KIT: variants seen among roughly 807,000 people sequenced by gnomAD.
KIT encodes the protein KIT proto-oncogene, receptor tyrosine kinase, also known as mast/stem cell growth factor receptor Kit.
A neutral mutation model predicts 105.7 loss-of-function variants in KIT; 16 were observed. That is an observed-to-expected ratio of 0.15 (90% confidence interval 0.10 to 0.23). KIT has a LOEUF of 0.23. Among genes scored for constraint, KIT ranks in the 10% least tolerant of loss-of-function variants. The pLI, the probability that KIT is intolerant of heterozygous loss-of-function variation, is 1.00. For missense variants in KIT, 858 were observed against 1,213.8 expected (o/e 0.71, Z 4.36); for synonymous variants, 438 against 441.1 (o/e 0.99, Z 0.09).
rs17084656 is a variant in KIT at position 54,703,502 on chromosome 4, T to C, written c.757-222T>C. Among the ~76,000 whole-genome samples, 957 of 152,272 alleles carry C rather than the reference T, an allele frequency of 6.3e-3. 12 individuals carry two copies. Among genetic ancestry groups the C allele is most frequent in the African/African-American group, 0.022 (914 of 41,570 alleles). Reference sequence around the variant, plus strand: ...GTTAAGAAATGAATTTTCGTTTTTTTCCCAATCGTTAATAATGACTGTCTT... The same window carrying C: ...GTTAAGAAATGAATTTTCGTTTTTTCCCCAATCGTTAATAATGACTGTCTT... On this transcript the variant is annotated intron_variant, in intron 4 of 20. Coordinates refer to ENST00000288135, the MANE Select transcript of KIT (RefSeq NM_000222.3).
At position 54,722,534 on chromosome 4, in the gene KIT, A is replaced by G. The variant is rs958570493; in HGVS notation, c.1232-1050A>G. 5.3e-5 allele frequency among the ~76,000 whole-genome samples: 8 copies of G among 152,150 alleles called. No homozygotes were observed. In the South Asian group the frequency reaches 1.7e-3, roughly 32 times the overall value. ...GGGGCTCCCGTAATTCTGTGCTTAG[A>G]CTTGGCACAATCAATGCTATTCTTC... On this transcript the variant is annotated intron_variant, in intron 7 of 20. Transcript: ENST00000288135.
intron 7 of KIT, among the ~76,000 whole-genome samples, chr4:54,718,852 A>C (rs1235801378): frequency 6.6e-6 from 1 of 152,238 alleles, no homozygotes; most frequent in Non-Finnish European, 1.5e-5. Context: ...GACACAGTAT[A>C]TGTCCAAAAT....
At chr4:54,733,791 G>T (rs1210363458) in intron 17 of KIT, among the ~76,000 whole-genome samples, 1 of 152,120 alleles carries the variant, frequency 6.6e-6, no homozygotes, top group Non-Finnish European at 1.5e-5. Flanking sequence ...CTAAGGCATG[G>T]CATATTTTAG....
intron 7 of KIT, among the ~76,000 whole-genome samples, chr4:54,721,922 T>C (rs1221128233): frequency 2.0e-5 from 3 of 152,216 alleles, no homozygotes; most frequent in African/African-American, 7.2e-5. Flanking sequence ...TACAGTTCAC[T>C]TCATTTGTAG....
In KIT at chr4:54,738,482, C is replaced by T. The variant is rs1309722112; in HGVS notation, c.2856C>T (p.Asp952=). The change falls in exon 21 of 21, where the codon GAC becomes GAT. Residue 952 remains aspartate, a synonymous_variant. Transcript: ENST00000288135. ...CCAACCGACAGAAGCCCGTGGTAGA[C>T]CATTCTGTGCGGATCAATTCTGTCG... is the stretch of plus-strand genomic sequence containing the variant. ...CSPNRQKPVV[D]HSVRINSVGS... The T allele has an allele frequency of 6.2e-7, 1 of 1,613,930 alleles. No homozygotes were observed. Among genetic ancestry groups the T allele is most frequent in the Non-Finnish European group, 8.5e-7 (1 of 1,179,952 alleles).
At chr4:54,669,175 T>C (rs1177466118) in intron 1 of KIT, among the ~76,000 whole-genome samples, 1 of 152,050 alleles carries the variant, frequency 6.6e-6, no homozygotes, top group Non-Finnish European at 1.5e-5. Flanking sequence ...TATACGTTTT[T>C]AGCCGCACCA....
At chr4:54,729,658 TTAAAGA>T (rs1722467560) in intron 14 of KIT, among the ~76,000 whole-genome samples, 173 bp downstream of exon 14, 2 of 152,192 alleles carry the variant, frequency 1.3e-5, no homozygotes, top group African/African-American at 4.8e-5. Context: ...AATTGTGTTT[TTAAAGA>T]TTCAAACCTA....
intron 7 of KIT, among the ~76,000 whole-genome samples, chr4:54,719,265 A>AC (rs896064790): frequency 2.0e-5 from 3 of 151,988 alleles, no homozygotes; most frequent in Non-Finnish European, 2.9e-5. Flanking sequence ...AGAAAGGAAG[A>AC]CCCCTTCTAC....
intron 7 of KIT, among the ~76,000 whole-genome samples, chr4:54,714,107 A>G (rs929626386): frequency 1.3e-5 from 2 of 152,246 alleles, no homozygotes; most frequent in Non-Finnish European, 2.9e-5. Flanking sequence ...CAAGATGTGT[A>G]TGGACATCAA....
At chr4:54,666,927 G>A (rs962438297) in intron 1 of KIT, among the ~76,000 whole-genome samples, 3 of 152,128 alleles carry the variant, frequency 2.0e-5, no homozygotes, top group Non-Finnish European at 4.4e-5. Flanking sequence ...CCTAAAAATG[G>A]GTTATTGATC....
Position 54,723,589 on chromosome 4 carries a change from C to T in KIT, c.1237C>T (p.Pro413Ser), listed in dbSNP as rs1003828295. 1 of 1,611,982 alleles carries T rather than the reference C, an allele frequency of 6.2e-7. No homozygotes were observed. The highest frequency in any genetic ancestry group is 8.5e-7 in the Non-Finnish European group (1 of 1,178,086). Reference protein sequence around the residue: ...IAFNVYVNTKPEILTYDRLVN... With the variant: ...IAFNVYVNTKSEILTYDRLVN... ...CCATTTCTGTTTTCCTGTAGCAAAA[C>T]CAGAAATCCTGACTTACGACAGGCT... is the stretch of plus-strand genomic sequence containing the variant. The change falls in exon 8 of 21, where the codon CCA becomes TCA. Residue 413 changes from proline (P) to serine (S), a missense_variant. Around this residue, in one of 7 missense-constraint regions of KIT, gnomAD observed 401 missense variants for 601.0 expected, o/e 0.67. Coordinates refer to ENST00000288135, the MANE Select transcript of KIT (RefSeq NM_000222.3).
At chr4:54,704,112 C>T (rs1201240120) in intron 5 of KIT, among the ~76,000 whole-genome samples, 1 of 152,182 alleles carries the variant, frequency 6.6e-6, no homozygotes, top group Non-Finnish European at 1.5e-5. Context: ...TAAAATTGTT[C>T]AAACCTATTA....
At chr4:54,697,007 C>A (rs1324417492) in intron 2 of KIT, among the ~76,000 whole-genome samples, 1 of 152,214 alleles carries the variant, frequency 6.6e-6, no homozygotes, top group Admixed American at 6.5e-5. Context: ...CACAAACATT[C>A]TTCATAGGGA....
chr4:54,723,813 T>G (rs1722049891), intron 8 of KIT, 115 bp downstream of exon 8: 7 of 761,722 alleles, frequency 9.2e-6, no homozygotes, highest in Non-Finnish European at 1.6e-5. Context: ...TGATTATTGT[T>G]TTTTTTCTAG....
At position 54,698,525 on chromosome 4, in the gene KIT, G is replaced by C. The variant is rs2109674537; in HGVS notation, c.579G>C (p.Lys193Asn). The C allele has an allele frequency of 6.2e-7, 1 of 1,614,194 alleles. No homozygotes were observed. The highest frequency in any genetic ancestry group is 8.5e-7 in the Non-Finnish European group (1 of 1,180,026). The change falls in exon 3 of 21, where the codon AAG (lysine) becomes AAC (asparagine). Residue 193 changes from lysine (K) to asparagine (N), a missense_variant. Transcript: ENST00000288135. Reference protein sequence around the residue: ...CLHCSVDQEGKSVLSEKFILK... With the variant: ...CLHCSVDQEGNSVLSEKFILK... ...ATTGTTCTGTGGACCAGGAGGGCAA[G>C]TCAGTGCTGTCGGAAAAATTCATCC...
intron 1 of KIT, among the ~76,000 whole-genome samples, chr4:54,690,058 T>TGGGG (rs1184112956): frequency 9.6e-5 from 9 of 93,994 alleles, no homozygotes; most frequent in African/African-American, 3.2e-4. Flanking sequence ...TTTTTTTTTG[T>TGGGG]GGGGGGGGGG....
chr4:54,709,961 T>C (rs989151787), intron 7 of KIT, among the ~76,000 whole-genome samples: 2 of 152,198 alleles, frequency 1.3e-5, no homozygotes, highest in Non-Finnish European at 2.9e-5. Flanking sequence ...TTTGAGGCTG[T>C]GATGTTACTT....
chr4:54,712,795 C>T (rs1205317259), intron 7 of KIT, among the ~76,000 whole-genome samples: 1 of 152,178 alleles, frequency 6.6e-6, no homozygotes, highest in Non-Finnish European at 1.5e-5. Context: ...CCACCCAGCA[C>T]TTCCTGAGGT....
At chr4:54,687,810 C>T (rs568148034) in intron 1 of KIT, among the ~76,000 whole-genome samples, 127 of 152,230 alleles carry the variant, frequency 8.3e-4, no homozygotes, top group South Asian at 2.1e-4. Context: ...CTCAGCTCTC[C>T]CCTACACCCT....
Sources: gnomAD v4.1 joint callset for allele counts (sites outside exome capture counted in the v4.1 genomes callset) on GRCh38, gnomAD v4.1.1 for gene constraint, gnomAD v4.1.1 regional missense constraint, MANE v1.5 for transcripts, NCBI Gene and HGNC (gene_info 2026-07-23, HGNC 2026-07-21) for gene names.